COLGALT2: variants seen among roughly 807,000 people sequenced by gnomAD.
COLGALT2 encodes collagen beta(1-O)galactosyltransferase 2.
In COLGALT2, 49 loss-of-function variants were observed where a neutral mutation model predicts 73.4. The observed-to-expected ratio is 0.67, with a 90% confidence interval of 0.53 to 0.85. The LOEUF is 0.85. Among genes scored for constraint, COLGALT2 ranks in the 40% least tolerant of loss-of-function variants. COLGALT2 has a pLI of 0.00. For missense variants in COLGALT2, 722 were observed against 790.2 expected (o/e 0.91, Z 1.03); for synonymous variants, 295 against 307.6 (o/e 0.96, Z 0.43).
At chr1:183,942,872 T>A (rs958838121) in intron 10 of COLGALT2, among the ~76,000 whole-genome samples, 8 of 152,240 alleles carry the variant, frequency 5.3e-5, no homozygotes, top group African/African-American at 1.7e-4. Flanking sequence ...CCGAACTACA[T>A]GTGAACGGGA....
intron 1 of COLGALT2, among the ~76,000 whole-genome samples, chr1:184,019,491 GA>G (rs1193047197): frequency 1.3e-5 from 2 of 152,128 alleles, no homozygotes; most frequent in Non-Finnish European, 2.9e-5. Context: ...AGATTAAATA[GA>G]AAATAAATAT....
At chr1:183,991,127 C>T (rs1407241055) in intron 1 of COLGALT2, among the ~76,000 whole-genome samples, 2 of 152,200 alleles carry the variant, frequency 1.3e-5, no homozygotes, top group East Asian at 3.8e-4. Flanking sequence ...AACATTCCCA[C>T]CCATTTTCTT....
Position 183,938,451 on chromosome 1 carries a change from C to T in COLGALT2, c.*310G>A, listed in dbSNP as rs2102785498. The T allele has an allele frequency of 1.7e-6, 2 of 1,170,910 alleles. No individual in the cohort carries two copies. The highest frequency in any genetic ancestry group is 2.1e-6 in the Non-Finnish European group (2 of 944,194). 72.5% of individuals were successfully genotyped at this position (1,170,910 alleles called of 1,614,324 possible). A position where few individuals can be genotyped will look rare whatever the true frequency, so the allele number is the denominator to read the frequency against. ...GAACAAGACTCTGAGCCATGTTGTT[C>T]AACCTTAATGTGGGAATCAGTATCA... On this transcript the variant is annotated 3_prime_UTR_variant, in exon 12 of 12. Coordinates refer to ENST00000361927, the MANE Select transcript of COLGALT2 (RefSeq NM_015101.4).
At position 183,964,037 on chromosome 1, in the gene COLGALT2, G is replaced by A. The variant is rs773441027; in HGVS notation, c.833-17C>T. The A allele has an allele frequency of 1.1e-5, 18 of 1,611,554 alleles. No individual in the cohort carries two copies. The highest frequency in any genetic ancestry group is 1.4e-5 in the Non-Finnish European group (16 of 1,178,820). On this transcript the variant is annotated splice_polypyrimidine_tract_variant and intron_variant, in intron 5 of 11. Coordinates refer to ENST00000361927, the MANE Select transcript of COLGALT2 (RefSeq NM_015101.4). The stretch of plus-strand genomic sequence containing the variant: ...TCTGGATGCCTGAGGATCCAAGAGA[G>A]GGACAAAGCCAACAATCAGAAAACA...
At chr1:183,970,668 T>C (rs1284264527) in intron 4 of COLGALT2, among the ~76,000 whole-genome samples, 1 of 152,192 alleles carries the variant, frequency 6.6e-6, no homozygotes, top group Non-Finnish European at 1.5e-5. Flanking sequence ...AGTCCATGCC[T>C]ACCCTCTTTG....
intron 1 of COLGALT2, among the ~76,000 whole-genome samples, chr1:183,997,791 T>C (rs1671810077): frequency 6.6e-6 from 1 of 152,252 alleles, no homozygotes; most frequent in African/African-American, 2.4e-5. Context: ...GTGTTTTCTG[T>C]AGGCTTAACA....
chr1:184,020,861 G>T (rs879024642), intron 1 of COLGALT2, among the ~76,000 whole-genome samples: 11 of 152,144 alleles, frequency 7.2e-5, no homozygotes, highest in Middle Eastern at 3.2e-3. Flanking sequence ...CTCTCATGAG[G>T]TTGTACTTAG....
At position 183,978,491 on chromosome 1, in the gene COLGALT2, G is replaced by A; in HGVS notation, c.293C>T (p.Thr98Ile). 6.2e-7 allele frequency: 1 copy of A among 1,610,278 alleles called. No individual in the cohort carries two copies. The highest frequency in any genetic ancestry group is 8.5e-7 in the Non-Finnish European group (1 of 1,177,036). The change falls in exon 2 of 12, where the codon ACA becomes ATA. Residue 98 changes from threonine (T) to isoleucine (I), a missense_variant. Transcript: ENST00000361927. ...CAACCACTCCCTGAATATTTCTGTT[G>A]TATTATCCACATTGTGATCAGTGGC... ...WAATDHNVDN[T>I]TEIFREWLKN...
At chr1:183,969,051 A>C (rs1670959322) in intron 5 of COLGALT2, among the ~76,000 whole-genome samples, 1 of 151,986 alleles carries the variant, frequency 6.6e-6, no homozygotes, top group Non-Finnish European at 1.5e-5. Flanking sequence ...AACTCAAAAT[A>C]GAGTGGGTTC....
chr1:183,944,655 T>C (rs1670202224), intron 9 of COLGALT2, among the ~76,000 whole-genome samples: 1 of 152,076 alleles, frequency 6.6e-6, no homozygotes, highest in South Asian at 2.1e-4. Context: ...GTGACTGCCC[T>C]TGGGGACTGA....
intron 6 of COLGALT2, 140 bp downstream of exon 6, chr1:183,963,761 T>G (rs1670786527): frequency 3.2e-6 from 3 of 929,974 alleles, no homozygotes; most frequent in Admixed American, 6.6e-5. Context: ...TAGGAAAGAA[T>G]GAACAAATAA....
chr1:183,999,988 A>T (rs1671872691), intron 1 of COLGALT2, among the ~76,000 whole-genome samples: 1 of 151,978 alleles, frequency 6.6e-6, no homozygotes, highest in African/African-American at 2.4e-5. Flanking sequence ...TTTTACCCGC[A>T]AATGTCTTAA....
chr1:183,933,933 G>C (rs1669897042), downstream of COLGALT2, among the ~76,000 whole-genome samples: 1 of 152,182 alleles, frequency 6.6e-6, no homozygotes, highest in African/African-American at 2.4e-5. Flanking sequence ...CTCTTTTTGA[G>C]GGCAGATGGG....
Position 183,936,142 on chromosome 1 carries a change from G to A in COLGALT2, c.*2619C>T. On this transcript the variant is annotated 3_prime_UTR_variant, in exon 12 of 12. Coordinates refer to ENST00000361927, the MANE Select transcript of COLGALT2 (RefSeq NM_015101.4). ...ATCCAGACAGGGTTTAGCCTCCAGA[G>A]GCAGAGAGCGGGTGCCAGGCCCAGA... 1.0e-6 allele frequency: 1 copy of A among 985,670 alleles called. No individual in the cohort carries two copies. The highest frequency in any genetic ancestry group is 1.2e-6 in the Non-Finnish European group (1 of 830,118). 61.1% of individuals were successfully genotyped at this position (985,670 alleles called of 1,614,324 possible).
intron 6 of COLGALT2, 83 bp downstream of exon 6, chr1:183,963,818 A>G: frequency 7.4e-7 from 1 of 1,356,896 alleles, no homozygotes; most frequent in Non-Finnish European, 9.8e-7. Flanking sequence ...TGAGATTCCA[A>G]TCCTGGAAGA....
At chr1:183,961,892 C>T (rs1356968123) in intron 6 of COLGALT2, among the ~76,000 whole-genome samples, 2 of 152,134 alleles carry the variant, frequency 1.3e-5, no homozygotes, top group Non-Finnish European at 2.9e-5. Context: ...AAGGAGATTC[C>T]TGAGGGCTGG....
At chr1:184,023,136 G>C (rs975472675) in intron 1 of COLGALT2, among the ~76,000 whole-genome samples, 1 of 152,192 alleles carries the variant, frequency 6.6e-6, no homozygotes, top group Non-Finnish European at 1.5e-5. Flanking sequence ...GAGTTACTAA[G>C]GGGAAGACTC....
chr1:183,968,557 T>C (rs1488339647), intron 5 of COLGALT2, among the ~76,000 whole-genome samples: 1 of 152,206 alleles, frequency 6.6e-6, no homozygotes, highest in Non-Finnish European at 1.5e-5. Context: ...TTGCAGTGCA[T>C]GCATGCAGAG....
At chr1:183,971,893 T>C (rs1452919911) in intron 4 of COLGALT2, among the ~76,000 whole-genome samples, 1 of 152,236 alleles carries the variant, frequency 6.6e-6, no homozygotes, top group Non-Finnish European at 1.5e-5. Context: ...GCAGTTTACT[T>C]AACCTTTCCC....
Sources: allele counts gnomAD v4.1 joint callset (sites outside exome capture counted in the v4.1 genomes callset), GRCh38; gene constraint gnomAD v4.1.1; transcripts MANE v1.5; gene names NCBI Gene and HGNC (gene_info 2026-07-23, HGNC 2026-07-21).